Variants in ZDHHC8 observed in about 807,000 individuals in gnomAD.
The protein encoded by ZDHHC8 is zDHHC palmitoyltransferase 8.
Under a neutral mutation model 61.2 loss-of-function variants are expected in ZDHHC8, and 24 were observed. That is an observed-to-expected ratio of 0.39 (90% CI 0.28 to 0.55). The LOEUF (loss-of-function observed/expected upper bound fraction) is 0.55, where lower values mean the gene tolerates loss of function less well. Ranked by LOEUF, ZDHHC8 falls within the 20% of genes least tolerant of loss-of-function variation. ZDHHC8 has a pLI of 0.60. For missense variants in ZDHHC8, 935 were observed against 1,102.1 expected (o/e 0.85, Z 2.15); for synonymous variants, 523 against 492.5 (o/e 1.06, Z -0.82).
In ZDHHC8 at chr22:20,141,204, C is replaced by G. The variant is rs199724292; in HGVS notation, c.895-13C>G. Reference sequence around the variant, plus strand: ...TCCAAGCCCCACACACCACTGACCCCGCTCCCTCCCAGTCCAAGGGCAGCC... The same window carrying G: ...TCCAAGCCCCACACACCACTGACCCGGCTCCCTCCCAGTCCAAGGGCAGCC... On this transcript the variant is annotated splice_polypyrimidine_tract_variant and intron_variant, in intron 7 of 10. Transcript: ENST00000334554. 1.2e-6 allele frequency: 2 copies of G among 1,607,830 alleles called. No homozygotes were observed. Among genetic ancestry groups the G allele is most frequent in the Non-Finnish European group, 1.7e-6 (2 of 1,177,672 alleles).
rs758467583 is a variant in ZDHHC8 at position 20,142,764 on chromosome 22, C to T, written c.1134C>T (p.Gly378=). ...ATGCCTTCTCCCTACAGGTTCCAGGCCCTGATTCCCTGACCCTGGGGGACG... is the reference window on the plus strand; with the variant it reads ...ATGCCTTCTCCCTACAGGTTCCAGGTCCTGATTCCCTGACCCTGGGGGACG... The part of the protein sequence containing the change: ...PFCGPGEQVP[G]PDSLTLGDDS... Residue 378 remains glycine (G), a synonymous_variant, in exon 10 of 11, where the codon GGC becomes GGT. Transcript: ENST00000334554. 6.2e-7 allele frequency: 1 copy of T among 1,612,476 alleles called. No homozygotes were observed. The highest frequency in any genetic ancestry group is 1.1e-5 in the South Asian group (1 of 91,080).
At position 20,146,344 on chromosome 22, in the gene ZDHHC8, C is replaced by T. The variant is rs925582563; in HGVS notation, c.*944C>T. 43 of 985,548 alleles carry T rather than the reference C, an allele frequency of 4.4e-5. No homozygotes were observed. Among genetic ancestry groups the T allele is most frequent in the Non-Finnish European group, 4.8e-5 (40 of 829,956 alleles). 61.1% of individuals were successfully genotyped at this position (985,548 alleles called of 1,614,324 possible). Reference sequence around the variant, plus strand: ...GAGGGGTCAGTGCTTCCCTTGGTGTCAGGGACCTGAGAGTAAGCACATGAC... The same window carrying T: ...GAGGGGTCAGTGCTTCCCTTGGTGTTAGGGACCTGAGAGTAAGCACATGAC... On this transcript the variant is annotated 3_prime_UTR_variant, in exon 11 of 11. Transcript: ENST00000334554.
Position 20,145,691 on chromosome 22 carries a change from G to A in ZDHHC8, c.*291G>A. 1 of 1,061,510 alleles carries A rather than the reference G, an allele frequency of 9.4e-7. No homozygotes were observed. Among genetic ancestry groups the A allele is most frequent in the South Asian group, 4.4e-5 (1 of 22,746 alleles). 65.8% of individuals were successfully genotyped at this position (1,061,510 alleles called of 1,614,324 possible). Reference sequence around the variant, plus strand: ...GTGAGGGGGCCCAGTCAGCCTCTTTGGGGCACCCTCTCTCAGCCAGGCTTG... The same window carrying A: ...GTGAGGGGGCCCAGTCAGCCTCTTTAGGGCACCCTCTCTCAGCCAGGCTTG... On this transcript the variant is annotated 3_prime_UTR_variant, in exon 11 of 11. Coordinates refer to ENST00000334554, the MANE Select transcript of ZDHHC8 (RefSeq NM_013373.4).
At chr22:20,135,624 A>G (rs994823489) in intron 1 of ZDHHC8, among the ~76,000 whole-genome samples, 1 of 152,224 alleles carries the variant, frequency 6.6e-6, no homozygotes, top group Non-Finnish European at 1.5e-5. Flanking sequence ...GAGGGACTGA[A>G]CTGCTGACTG....
Position 20,143,523 on chromosome 22 carries a change from G to C in ZDHHC8, c.1893G>C (p.Leu631=), listed in dbSNP as rs1235401670. The change falls in exon 10 of 11, where the codon CTG becomes CTC. Residue 631 remains leucine, a synonymous_variant. Coordinates refer to ENST00000334554, the MANE Select transcript of ZDHHC8 (RefSeq NM_013373.4). The part of the protein sequence containing the change: ...NPALQTSLSS[L]SSSVSRAPRT... ...CCCTGCAGACGTCACTGTCCTCGCT[G>C]TCCAGCTCCGTGAGCCGTGCACCGC... The C allele has an allele frequency of 1.3e-6, 2 of 1,599,686 alleles. No homozygotes were observed. The highest frequency in any genetic ancestry group is 1.7e-4 in the Middle Eastern group (1 of 6,026).
rs547372837 is a variant in ZDHHC8, at chr22:20,146,145, G to T, written c.*745G>T. 1.2e-5 allele frequency: 12 copies of T among 985,548 alleles called. No individual in the cohort carries two copies. Among genetic ancestry groups the T allele is most frequent in the Non-Finnish European group, 1.4e-5 (12 of 829,958 alleles). The allele number at this position is 985,548 out of a possible 1,614,324, so 61.1% of individuals were successfully genotyped here. On this transcript the variant is annotated 3_prime_UTR_variant, in exon 11 of 11. Transcript: ENST00000334554. ...ATGCTCTTGTGGGAGGCGACGGGGG[G>T]GCAGGCGGGAGCAGGCACGGGGGTG...
At chr22:20,140,080 T>C (rs1489274394) in intron 4 of ZDHHC8, 35 bp from the exon 5 acceptor site, 1 of 1,609,960 alleles carries the variant, frequency 6.2e-7, no homozygotes, top group African/African-American at 1.3e-5. Context: ...GGGTCTGCGG[T>C]GTCCTGGCCT....
chr22:20,133,677 G>A (rs2050396864), intron 1 of ZDHHC8, among the ~76,000 whole-genome samples: 1 of 141,708 alleles, frequency 7.1e-6, no homozygotes, highest in East Asian at 2.1e-4. Context: ...AGCCGAAATC[G>A]CACCACTGCA....
intron 4 of ZDHHC8, 90 bp downstream of exon 4, chr22:20,139,982 C>A (rs1219013165): frequency 1.3e-6 from 2 of 1,592,828 alleles, no homozygotes; most frequent in Non-Finnish European, 1.7e-6. Context: ...AGGCTTGGTT[C>A]CTGCCCAGGG....
In ZDHHC8 at chr22:20,139,182, T is replaced by C; in HGVS notation, c.105-12T>C. 6.2e-7 allele frequency: 1 copy of C among 1,611,390 alleles called. No homozygotes were observed. Among genetic ancestry groups the C allele is most frequent in the Non-Finnish European group, 8.5e-7 (1 of 1,178,776 alleles). On this transcript the variant is annotated splice_polypyrimidine_tract_variant and intron_variant, in intron 1 of 10. Transcript: ENST00000334554. ...CCCAGACTCCACTCTCTGCCCCCAC[T>C]GTCTACTGCAGGTGCCCGTGGTTGA...
chr22:20,138,078 G>A (rs1016099758), intron 1 of ZDHHC8, among the ~76,000 whole-genome samples: 26 of 152,256 alleles, frequency 1.7e-4, no homozygotes, highest in African/African-American at 6.3e-4. Flanking sequence ...TTGCCGGGGC[G>A]GCGGGGCTGG....
intron 10 of ZDHHC8, among the ~76,000 whole-genome samples, chr22:20,144,471 G>C (rs573792770): frequency 1.3e-5 from 2 of 152,238 alleles, no homozygotes; most frequent in Admixed American, 6.5e-5. Context: ...CGCCCTGTCC[G>C]GGCCTGGAAA....
At position 20,143,523 on chromosome 22, in the gene ZDHHC8, G is replaced by A. The variant is rs1235401670; in HGVS notation, c.1893G>A (p.Leu631=). ...CCCTGCAGACGTCACTGTCCTCGCT[G>A]TCCAGCTCCGTGAGCCGTGCACCGC... The part of the protein sequence containing the change: ...NPALQTSLSS[L]SSSVSRAPRT... The change falls in exon 10 of 11, where the codon CTG becomes CTA. Residue 631 remains leucine, a synonymous_variant. Coordinates refer to ENST00000334554, the MANE Select transcript of ZDHHC8 (RefSeq NM_013373.4). 3.8e-6 allele frequency: 6 copies of A among 1,599,568 alleles called. No homozygotes were observed. Among genetic ancestry groups the A allele is most frequent in the Non-Finnish European group, 5.1e-6 (6 of 1,177,994 alleles).
At position 20,141,353 on chromosome 22, in the gene ZDHHC8, C is replaced by T. The variant is rs1218482553; in HGVS notation, c.1015+16C>T. ...GGCAGTGCTGGTGAGGTTGGGGCAGCCACGACTAGGGAGGGATATGGGTTG... is the reference window on the plus strand; with the variant it reads ...GGCAGTGCTGGTGAGGTTGGGGCAGTCACGACTAGGGAGGGATATGGGTTG... On this transcript the variant is annotated intron_variant, in intron 8 of 10. Coordinates refer to ENST00000334554, the MANE Select transcript of ZDHHC8 (RefSeq NM_013373.4). 2 of 1,611,098 alleles carry T rather than the reference C, an allele frequency of 1.2e-6. No individual in the cohort carries two copies. Among genetic ancestry groups the T allele is most frequent in the East Asian group, 2.2e-5 (1 of 44,866 alleles).
Position 20,142,869 on chromosome 22 carries a change from C to T in ZDHHC8, c.1239C>T (p.Ala413=), listed in dbSNP as rs754818966. The change falls in exon 10 of 11, where the codon GCC becomes GCT. Residue 413 remains alanine (A), a synonymous_variant. Transcript: ENST00000334554. The stretch of plus-strand genomic sequence containing the variant: ...ATGGGCCAGGGGGCCTGCATGCAGC[C>T]TACCCGCCATCCCCACCGCTCAGCG... ...PDYGPGGLHA[A]YPPSPPLSAS... is the part of the protein sequence containing the mutation. 6.2e-7 allele frequency: 1 copy of T among 1,612,186 alleles called. No homozygotes were observed. Among genetic ancestry groups the T allele is most frequent in the South Asian group, 1.1e-5 (1 of 91,024 alleles).
intron 1 of ZDHHC8, among the ~76,000 whole-genome samples, chr22:20,132,946 T>C (rs1263318420): frequency 1.3e-5 from 2 of 152,170 alleles, no homozygotes; most frequent in African/African-American, 4.8e-5. Flanking sequence ...GGTTGAGACA[T>C]AGCCCAGGTG....
rs904671976 is a variant in ZDHHC8, at chr22:20,145,850, G to A, written c.*450G>A. ...CTTCTGACACAGCCTGTGGGCTCCC[G>A]GACCGAGTGTCCCCCGCCAGGCTAC... On this transcript the variant is annotated 3_prime_UTR_variant, in exon 11 of 11. Coordinates refer to ENST00000334554, the MANE Select transcript of ZDHHC8 (RefSeq NM_013373.4). 1.8e-5 allele frequency: 18 copies of A among 986,612 alleles called. No homozygotes were observed. The highest frequency in any genetic ancestry group is 3.5e-5 in the African/African-American group (2 of 57,292). 61.1% of individuals were successfully genotyped at this position (986,612 alleles called of 1,614,324 possible).
rs2050528489 is a variant in ZDHHC8 at position 20,146,693 on chromosome 22, G to A, written c.*1293G>A. On this transcript the variant is annotated 3_prime_UTR_variant, in exon 11 of 11. Transcript: ENST00000334554. ...CTCGCCTTGGGTCTGTGTCAGTTCT[G>A]GCAGTGACAGGGTGTTTGGGGGAAA... The A allele has an allele frequency of 1.8e-6, 2 of 1,101,308 alleles. No homozygotes were observed. Among genetic ancestry groups the A allele is most frequent in the Admixed American group, 5.1e-5 (1 of 19,420 alleles). The allele number at this position is 1,101,308 out of a possible 1,614,324, so 68.2% of individuals were successfully genotyped here. A position where few individuals can be genotyped will look rare whatever the true frequency, so the allele number is the denominator to read the frequency against.
Position 20,140,901 on chromosome 22 carries a change from C to T in ZDHHC8, c.783C>T (p.Leu261=), listed in dbSNP as rs1169055591. 13 of 1,605,100 alleles carry T rather than the reference C, an allele frequency of 8.1e-6. No individual in the cohort carries two copies. Among genetic ancestry groups the T allele is most frequent in the East Asian group, 6.7e-5 (3 of 44,888 alleles). ...RYVVEPPRLP[L]AVSLKPPFLR... is the part of the protein sequence containing the mutation. The stretch of plus-strand genomic sequence containing the variant: ...TGGTGGAGCCACCCCGGCTGCCGCT[C>T]GCGGTGAGTTTGAAGCCGCCTTTCC... Residue 261 remains leucine, a synonymous_variant, in exon 7 of 11, where the codon CTC becomes CTT. Coordinates refer to ENST00000334554, the MANE Select transcript of ZDHHC8 (RefSeq NM_013373.4).
Sources: allele counts gnomAD v4.1 joint callset (sites outside exome capture counted in the v4.1 genomes callset), GRCh38; gene constraint gnomAD v4.1.1; transcripts MANE v1.5; gene names NCBI Gene and HGNC (gene_info 2026-07-23, HGNC 2026-07-21).